The following PODXL2 variants were observed in gnomAD, a reference collection of about 807,000 sequenced individuals.
The protein encoded by PODXL2 is podocalyxin like 2.
A neutral mutation model predicts 53.4 loss-of-function variants in PODXL2; 17 were observed. The observed-to-expected ratio is 0.32, with a 90% CI of 0.22 to 0.48. The LOEUF is 0.48. Among genes scored for constraint, PODXL2 ranks in the 20% least tolerant of loss-of-function variants. PODXL2 has a pLI of 0.99. For synonymous variants in PODXL2, 311 were observed against 306.7 expected (o/e 1.01, Z -0.15); for missense variants, 673 against 760.0 (o/e 0.89, Z 1.35).
In PODXL2 at chr3:127,637,614, G is replaced by GTGTA. The variant is rs534942836; in HGVS notation, c.71-1630_71-1627dup. ...AAGTCACTCAGCCAGAGAAGCCAGA[G>GTGTA]TGTAACCTATTTCCTGGTACCAGGC... On this transcript the variant is annotated intron_variant, in intron 1 of 7. Coordinates refer to ENST00000342480, the MANE Select transcript of PODXL2 (RefSeq NM_015720.4). 3.0e-3 allele frequency among the ~76,000 whole-genome samples: 456 copies of GTGTA among 152,290 alleles called. 1 individual carries two copies. Among genetic ancestry groups the GTGTA allele is most frequent in the Middle Eastern group, 6.8e-3 (2 of 294 alleles).
At chr3:127,649,211 C>A (rs2074674248) in intron 2 of PODXL2, among the ~76,000 whole-genome samples, 1 of 152,220 alleles carries the variant, frequency 6.6e-6, no homozygotes, top group Admixed American at 6.5e-5. Context: ...AAACCTCTTT[C>A]CAAGCCAGCA....
chr3:127,658,451 A>G (rs574604020), intron 2 of PODXL2, among the ~76,000 whole-genome samples: 2 of 146,066 alleles, frequency 1.4e-5, no homozygotes, highest in South Asian at 4.3e-4. Flanking sequence ...ACTTACTTAA[A>G]TCTCTTGGAA....
intron 4 of PODXL2, 50 bp downstream of exon 4, chr3:127,662,361 G>C: frequency 6.7e-7 from 1 of 1,489,236 alleles, no homozygotes; most frequent in South Asian, 1.2e-5. Context: ...GCAGGCAGTG[G>C]ACAGGGTGGG....
chr3:127,650,420 C>T lies in PODXL2; in HGVS notation c.350-9958C>T, dbSNP rs142404398. ...AGGCCTGGGGCTTCATCAGGGTGAG[C>T]TGGAGCTGCATCTGAGCCAGCACCA... On this transcript the variant is annotated intron_variant, in intron 2 of 7. Coordinates refer to ENST00000342480, the MANE Select transcript of PODXL2 (RefSeq NM_015720.4). Among the ~76,000 whole-genome samples, 3 of 152,334 alleles carry T rather than the reference C, an allele frequency of 2.0e-5. No homozygotes were observed. The East Asian group carries it at 5.8e-4, about 29-fold the overall frequency.
At chr3:127,644,726 G>A (rs952656945) in intron 2 of PODXL2, among the ~76,000 whole-genome samples, 2 of 152,124 alleles carry the variant, frequency 1.3e-5, no homozygotes, top group African/African-American at 2.4e-5. Context: ...CCTTTGCCTC[G>A]ATTGTCTCTA....
At chr3:127,634,623 G>A (rs944656032) in intron 1 of PODXL2, among the ~76,000 whole-genome samples, 3 of 151,848 alleles carry the variant, frequency 2.0e-5, no homozygotes, top group East Asian at 1.9e-4. Flanking sequence ...CTACTCGGGA[G>A]GCTGAGGCAG....
At chr3:127,652,836 G>A (rs903151329) in intron 2 of PODXL2, among the ~76,000 whole-genome samples, 2 of 152,060 alleles carry the variant, frequency 1.3e-5, no homozygotes, top group Non-Finnish European at 2.9e-5. Flanking sequence ...TCCCTGGAGC[G>A]CTCAGCTGGT....
intron 4 of PODXL2, 75 bp downstream of exon 4, chr3:127,662,386 G>T (rs2074773514): frequency 5.0e-6 from 6 of 1,188,746 alleles, no homozygotes; most frequent in Non-Finnish European, 7.3e-6. Flanking sequence ...AGGGCAGGCT[G>T]GGGGGACAAG....
chr3:127,648,787 C>CTTTTTTTTTTTTTT (rs988325770), intron 2 of PODXL2, among the ~76,000 whole-genome samples: 1 of 97,854 alleles, frequency 1.0e-5, no homozygotes, highest in Non-Finnish European at 2.1e-5. Flanking sequence ...TTTTGTATTT[C>CTTTTTTTTTTTTTT]TTTTTTTTTT....
chr3:127,669,067 GC>G, intron 5 of PODXL2, 73 bp from the exon 6 acceptor site: 1 of 949,186 alleles, frequency 1.1e-6, no homozygotes, highest in East Asian at 2.8e-5. Flanking sequence ...CTGTTGGAGA[GC>G]GGGGCCAGAG....
chr3:127,639,524 G>T lies in PODXL2; in HGVS notation c.349+1G>T. ...AGTCTGGACCTGGGACCCACTGCAG[G>T]TAGCTCTTCTTACCTACAGAGCATG... On this transcript the variant is annotated splice_donor_variant, in intron 2 of 7. Transcript: ENST00000342480. LOFTEE classifies it high-confidence loss of function. The T allele has an allele frequency of 6.2e-7, 1 of 1,609,190 alleles. No individual in the cohort carries two copies. The highest frequency in any genetic ancestry group is 8.5e-7 in the Non-Finnish European group (1 of 1,177,286).
rs761384359 is a variant in PODXL2 at position 127,639,230 on chromosome 3, T to G, written c.71-15T>G. On this transcript the variant is annotated splice_polypyrimidine_tract_variant and intron_variant, in intron 1 of 7. Transcript: ENST00000342480. ...TCTAGCCTCCCCTGACTGTCTGGCTTTTATGTCTGCACAGGAGCGTTCCTG... is the reference window on the plus strand; with the variant it reads ...TCTAGCCTCCCCTGACTGTCTGGCTGTTATGTCTGCACAGGAGCGTTCCTG... The G allele has an allele frequency of 6.4e-7, 1 of 1,573,178 alleles. No homozygotes were observed. The highest frequency in any genetic ancestry group is 8.6e-7 in the Non-Finnish European group (1 of 1,162,010).
intron 1 of PODXL2, among the ~76,000 whole-genome samples, chr3:127,634,182 C>A: frequency 6.6e-6 from 1 of 152,018 alleles, no homozygotes; most frequent in East Asian, 1.9e-4. Flanking sequence ...TCCCAGCACT[C>A]TCGGAGGCCA....
intron 3 of PODXL2, 52 bp downstream of exon 3, chr3:127,661,211 G>GT: frequency 7.0e-7 from 1 of 1,426,316 alleles, no homozygotes; most frequent in Non-Finnish European, 9.7e-7. Context: ...CACAGAGCCT[G>GT]GCCATCCCCA....
intron 3 of PODXL2, among the ~76,000 whole-genome samples, chr3:127,661,475 G>A (rs556072263): frequency 1.3e-5 from 2 of 150,422 alleles, no homozygotes; most frequent in South Asian, 2.1e-4. Flanking sequence ...TCACTCTGTC[G>A]CCCAGGCTGG....
intron 2 of PODXL2, among the ~76,000 whole-genome samples, chr3:127,640,869 G>T (rs147908361): frequency 1.3e-5 from 2 of 152,182 alleles, no homozygotes; most frequent in South Asian, 2.1e-4. Context: ...GTATATTTCC[G>T]CATTGTTAAA....
At chr3:127,653,061 T>C (rs1283302221) in intron 2 of PODXL2, among the ~76,000 whole-genome samples, 1 of 152,158 alleles carries the variant, frequency 6.6e-6, no homozygotes, top group East Asian at 1.9e-4. Flanking sequence ...TCTTTGTTTC[T>C]CTTCTTCCAT....
intron 2 of PODXL2, among the ~76,000 whole-genome samples, chr3:127,642,942 G>A (rs2074629883): frequency 6.6e-6 from 1 of 152,048 alleles, no homozygotes; most frequent in Non-Finnish European, 1.5e-5. Flanking sequence ...TACCTCACAG[G>A]GTTGTGAGGT....
chr3:127,652,349 A>AG (rs1251459798), intron 2 of PODXL2, among the ~76,000 whole-genome samples: 7 of 152,128 alleles, frequency 4.6e-5, no homozygotes, highest in South Asian at 2.1e-4. Context: ...TAGAGCCACC[A>AG]GGGGGGGCTG....
Sources: allele counts gnomAD v4.1 joint callset (sites outside exome capture counted in the v4.1 genomes callset), GRCh38; gene constraint gnomAD v4.1.1; transcripts MANE v1.5; gene names NCBI Gene and HGNC (gene_info 2026-07-23, HGNC 2026-07-21).